LDLRAD3: variants seen among roughly 807,000 people sequenced by gnomAD.
LDLRAD3 encodes low density lipoprotein receptor class A domain containing 3.
In LDLRAD3, 20 loss-of-function variants were observed where a neutral mutation model predicts 29.4. The ratio of observed to expected loss-of-function variants is 0.68; its 90% CI spans 0.48 to 0.99. The LOEUF (loss-of-function observed/expected upper bound fraction) is 0.99. Ranked by LOEUF, LDLRAD3 falls within the 50% of genes least tolerant of loss-of-function variation. The probability of loss-of-function intolerance (pLI) is 0.00; values close to 1 mark genes in which losing one functional copy is unlikely to be tolerated. For synonymous variants in LDLRAD3, 157 were observed against 192.7 expected, an observed-to-expected ratio of 0.81 and a Z score of 1.53; for missense variants, 420 against 454.3, an observed-to-expected ratio of 0.92 and a Z score of 0.69.
At chr11:36,065,945 C>T (rs576444180) in intron 2 of LDLRAD3, among the ~76,000 whole-genome samples, 6 of 152,106 alleles carry the variant, frequency 3.9e-5, no homozygotes, top group African/African-American at 1.2e-4. Flanking sequence ...GAATATGCCA[C>T]GGAAGCGAGG....
At chr11:36,118,626 G>C (rs954054561) in intron 4 of LDLRAD3, among the ~76,000 whole-genome samples, 6 of 152,120 alleles carry the variant, frequency 3.9e-5, no homozygotes, top group Middle Eastern at 3.2e-3. Flanking sequence ...CACCACTACA[G>C]AAGGTATCAG....
intron 4 of LDLRAD3, among the ~76,000 whole-genome samples, chr11:36,210,829 A>G (rs551815236): frequency 6.6e-6 from 1 of 152,376 alleles, no homozygotes; most frequent in African/African-American, 2.4e-5. Flanking sequence ...CATTTCCTGT[A>G]GGAACATTTC....
chr11:36,181,666 G>A (rs552904015), intron 4 of LDLRAD3, among the ~76,000 whole-genome samples: 4 of 152,190 alleles, frequency 2.6e-5, no homozygotes, highest in East Asian at 1.9e-4. Flanking sequence ...AATTAAAATC[G>A]ACTAATTAAA....
chr11:36,076,214 GTCCATCCGTCCA>G (rs1208407586), intron 2 of LDLRAD3, among the ~76,000 whole-genome samples: 62 of 107,526 alleles, frequency 5.8e-4, no homozygotes, highest in South Asian at 5.0e-3. Context: ...TTGTCTGTCT[GTCCATCCGTCCA>G]TCCATCCATC....
intron 1 of LDLRAD3, among the ~76,000 whole-genome samples, chr11:35,971,265 A>T (rs982988566): frequency 6.6e-6 from 1 of 152,082 alleles, no homozygotes; most frequent in Non-Finnish European, 1.5e-5. Context: ...GGGCGTTGGG[A>T]CCCCAGTGAA....
rs1024417162 is a variant in LDLRAD3 at position 36,204,121 on chromosome 11, A to G, written c.455-22964A>G. Among the ~76,000 whole-genome samples, 7 of 152,160 alleles carry G rather than the reference A, an allele frequency of 4.6e-5. No homozygotes were observed. In the East Asian group the frequency reaches 9.6e-4, roughly 21 times the overall value. On this transcript the variant is annotated intron_variant, in intron 4 of 5. Coordinates refer to ENST00000315571, the MANE Select transcript of LDLRAD3 (RefSeq NM_174902.4). ...ATTTCCTTCTTCTGTAGTTAAAGCA[A>G]TTTGGGGGCTGAATGTATTTATGGG...
In LDLRAD3 at chr11:36,150,615, C is replaced by T. The variant is rs183546405; in HGVS notation, c.454+52154C>T. Among the ~76,000 whole-genome samples the T allele has an allele frequency of 6.6e-5, 10 of 152,024 alleles. No individual in the cohort carries two copies. In the East Asian group the frequency reaches 1.9e-3, roughly 29 times the overall value. On this transcript the variant is annotated intron_variant, in intron 4 of 5. Coordinates refer to ENST00000315571, the MANE Select transcript of LDLRAD3 (RefSeq NM_174902.4). ...AAAAATACAAAAAAAATTAGCCGGG[C>T]GTGGTGGCGGGCGCCTGTAGTCCCA...
intron 2 of LDLRAD3, among the ~76,000 whole-genome samples, chr11:36,058,412 C>T (rs947364242): frequency 1.3e-5 from 2 of 152,168 alleles, no homozygotes; most frequent in African/African-American, 2.4e-5. Flanking sequence ...TATAGGTCTG[C>T]GTCTCTGTCA....
At chr11:36,178,085 G>A (rs945028735) in intron 4 of LDLRAD3, among the ~76,000 whole-genome samples, 5 of 152,188 alleles carry the variant, frequency 3.3e-5, no homozygotes, top group Non-Finnish European at 5.9e-5. Context: ...CACGATGTGA[G>A]TTTCTACATG....
intron 1 of LDLRAD3, among the ~76,000 whole-genome samples, chr11:35,986,956 T>G (rs1457373895): frequency 6.6e-6 from 1 of 152,236 alleles, no homozygotes; most frequent in Non-Finnish European, 1.5e-5. Context: ...TATCTCTAGA[T>G]CTCTCACACC....
chr11:36,149,535 T>C (rs10768196), intron 4 of LDLRAD3, among the ~76,000 whole-genome samples: 109,197 of 151,928 alleles, frequency 0.72, 39,575 homozygotes, highest in East Asian at 0.94. Flanking sequence ...ACAGCAGTGT[T>C]GTCCAGCTGG....
chr11:36,085,978 A>C (rs568460199), intron 3 of LDLRAD3, among the ~76,000 whole-genome samples: 4 of 151,894 alleles, frequency 2.6e-5, no homozygotes, highest in Non-Finnish European at 4.4e-5. Flanking sequence ...AATTTCTGTT[A>C]ATCTGTCATC....
At chr11:36,208,867 G>C (rs1855246084) in intron 4 of LDLRAD3, among the ~76,000 whole-genome samples, 1 of 152,194 alleles carries the variant, frequency 6.6e-6, no homozygotes, top group Non-Finnish European at 1.5e-5. Context: ...AGTTTAAGCA[G>C]AAACAGGATA....
intron 2 of LDLRAD3, among the ~76,000 whole-genome samples, chr11:36,048,615 C>T (rs1379956186): frequency 6.6e-6 from 1 of 152,204 alleles, no homozygotes; most frequent in Non-Finnish European, 1.5e-5. Context: ...ACTAAATCCC[C>T]CAGTTCTTAG....
chr11:36,003,305 A>T (rs1458940653), intron 1 of LDLRAD3, among the ~76,000 whole-genome samples: 2 of 152,188 alleles, frequency 1.3e-5, no homozygotes, highest in African/African-American at 4.8e-5. Flanking sequence ...TTTCTGTTTC[A>T]GTAGAGACTA....
At chr11:36,154,232 C>A (rs1854316008) in intron 4 of LDLRAD3, among the ~76,000 whole-genome samples, 1 of 152,192 alleles carries the variant, frequency 6.6e-6, no homozygotes. Context: ...GTAAGTCACA[C>A]CTTTAAACAT....
At chr11:36,167,807 A>G (rs554618798) in intron 4 of LDLRAD3, among the ~76,000 whole-genome samples, 1 of 152,324 alleles carries the variant, frequency 6.6e-6, no homozygotes, top group Admixed American at 6.5e-5. Flanking sequence ...CTAGCACGGT[A>G]TCTAAGACAT....
At chr11:36,046,990 C>G (rs1307788338) in intron 2 of LDLRAD3, among the ~76,000 whole-genome samples, 1 of 152,168 alleles carries the variant, frequency 6.6e-6, no homozygotes, top group Non-Finnish European at 1.5e-5. Flanking sequence ...TGAGGATACT[C>G]TAAATGCTAG....
At chr11:36,202,314 A>T (rs1855138840) in intron 4 of LDLRAD3, among the ~76,000 whole-genome samples, 1 of 152,204 alleles carries the variant, frequency 6.6e-6, no homozygotes, top group African/African-American at 2.4e-5. Context: ...CTGGTATTAC[A>T]GGTGTGAGCC....
Sources: gnomAD v4.1 joint callset for allele counts (sites outside exome capture counted in the v4.1 genomes callset) on GRCh38, gnomAD v4.1.1 for gene constraint, MANE v1.5 for transcripts, NCBI Gene and HGNC (gene_info 2026-07-23, HGNC 2026-07-21) for gene names.